SPMIP2: variants seen among roughly 807,000 people sequenced by gnomAD.
SPMIP2 encodes sperm microtubule inner protein 2.
the SPMIP2 span, among the ~76,000 whole-genome samples, chr4:159,067,985 G>A: frequency 1.3e-5 from 2 of 152,192 alleles, no homozygotes; most frequent in African/African-American, 4.8e-5. Flanking sequence ...CAGTTAGAAT[G>A]GCGATCATTA....
the SPMIP2 span, among the ~76,000 whole-genome samples, chr4:158,975,258 T>TC: frequency 2.0e-5 from 1 of 51,090 alleles, no homozygotes; most frequent in South Asian, 1.2e-3. Context: ...GCCTGTTCAC[T>TC]CTGATGATAG....
chr4:159,056,642 G>A, the SPMIP2 span, among the ~76,000 whole-genome samples: 12 of 152,184 alleles, frequency 7.9e-5, no homozygotes, highest in African/African-American at 2.9e-4. Context: ...AGTGCATGAG[G>A]AGTTTGTTTT....
At chr4:158,894,211 CCCAGGTTATAGTGCAG>C in the SPMIP2 span, among the ~76,000 whole-genome samples, 320 of 148,482 alleles carry the variant, frequency 2.2e-3, 2 homozygotes, top group African/African-American at 7.7e-3. Flanking sequence ...CATTTTGTCA[CCCAGGTTATAGTGCAG>C]TAGTATGATG....
At chr4:159,022,447 T>C in the SPMIP2 span, among the ~76,000 whole-genome samples, 33 of 152,220 alleles carry the variant, frequency 2.2e-4, no homozygotes, top group East Asian at 3.9e-3. Context: ...AGCAGTGGAA[T>C]TGGAGCACAT....
chr4:158,914,883 C>T, the SPMIP2 span, among the ~76,000 whole-genome samples: 4 of 152,274 alleles, frequency 2.6e-5, no homozygotes, highest in Middle Eastern at 3.4e-3. Flanking sequence ...GCTTTCTCAG[C>T]TCTTGGAACT....
the SPMIP2 span, among the ~76,000 whole-genome samples, chr4:159,004,422 CT>C: frequency 6.7e-6 from 1 of 150,366 alleles, no homozygotes; most frequent in Non-Finnish European, 1.5e-5. Context: ...TCCTGAGTAG[CT>C]GTGATTACAG....
the SPMIP2 span, among the ~76,000 whole-genome samples, chr4:159,077,719 C>T: frequency 1.3e-5 from 2 of 152,092 alleles, no homozygotes; most frequent in African/African-American, 2.4e-5. Context: ...TAATTCATTT[C>T]GAACTCAGTG....
chr4:158,976,436 CTCT>C, the SPMIP2 span, among the ~76,000 whole-genome samples: 2 of 152,112 alleles, frequency 1.3e-5, no homozygotes, highest in South Asian at 4.2e-4. Context: ...TCATAAATAG[CTCT>C]TATTATTTTG....
the SPMIP2 span, among the ~76,000 whole-genome samples, chr4:158,985,934 A>G: frequency 6.7e-6 from 1 of 149,540 alleles, no homozygotes; most frequent in Non-Finnish European, 1.5e-5. Flanking sequence ...ACTTCAGAAA[A>G]GTCTCAGGAT....
the SPMIP2 span, among the ~76,000 whole-genome samples, chr4:159,065,910 T>A: frequency 6.6e-6 from 1 of 152,160 alleles, no homozygotes; most frequent in Non-Finnish European, 1.5e-5. Context: ...AAATAACTTT[T>A]CCAAGGGTCA....
the SPMIP2 span, among the ~76,000 whole-genome samples, chr4:158,927,128 C>A: frequency 6.6e-6 from 1 of 152,128 alleles, no homozygotes; most frequent in Non-Finnish European, 1.5e-5. Flanking sequence ...TTGTTAGGTA[C>A]ACATTTATTT....
the SPMIP2 span, among the ~76,000 whole-genome samples, chr4:158,981,084 T>A: frequency 2.0e-5 from 3 of 152,126 alleles, no homozygotes; most frequent in Non-Finnish European, 4.4e-5. Context: ...GCCGAATCGA[T>A]AAAGCAGAAG....
the SPMIP2 span, among the ~76,000 whole-genome samples, chr4:158,938,950 G>A: frequency 6.6e-6 from 1 of 152,084 alleles, no homozygotes; most frequent in African/African-American, 2.4e-5. Flanking sequence ...TATAATTCCC[G>A]GTGTTCCCAG....
At chr4:158,969,872 T>C in the SPMIP2 span, among the ~76,000 whole-genome samples, 2 of 152,218 alleles carry the variant, frequency 1.3e-5, no homozygotes, top group South Asian at 4.1e-4. Context: ...TGTGAGACAC[T>C]GAGGAGTCTC....
the SPMIP2 span, among the ~76,000 whole-genome samples, chr4:158,990,094 G>A: frequency 2.0e-5 from 3 of 152,142 alleles, no homozygotes; most frequent in Non-Finnish European, 4.4e-5. Flanking sequence ...TCTTAAAGAA[G>A]ACATTTATGC....
At chr4:159,045,632 A>G in the SPMIP2 span, among the ~76,000 whole-genome samples, 4 of 152,240 alleles carry the variant, frequency 2.6e-5, no homozygotes, top group East Asian at 7.7e-4. Context: ...AAGAAGCTGG[A>G]AGGCTGAAAC....
At chr4:159,067,147 T>A in the SPMIP2 span, among the ~76,000 whole-genome samples, 2 of 151,982 alleles carry the variant, frequency 1.3e-5, no homozygotes, top group Non-Finnish European at 2.9e-5. Context: ...AACGACTGGA[T>A]AGGAACTATA....
chr4:159,037,630 G>A, the SPMIP2 span, among the ~76,000 whole-genome samples: 3 of 151,860 alleles, frequency 2.0e-5, no homozygotes, highest in Middle Eastern at 3.4e-3. Flanking sequence ...AATTAGCTGG[G>A]CACAGTGGTC....
At chr4:159,059,401 G>GTC in the SPMIP2 span, among the ~76,000 whole-genome samples, 1 of 152,152 alleles carries the variant, frequency 6.6e-6, no homozygotes, top group South Asian at 2.1e-4. Flanking sequence ...TTTTGAGACA[G>GTC]TCTCACTCTC....
Sources: allele counts gnomAD v4.1 joint callset (sites outside exome capture counted in the v4.1 genomes callset), GRCh38; gene constraint gnomAD v4.1.1; transcripts MANE v1.5; gene names NCBI Gene and HGNC (gene_info 2026-07-23, HGNC 2026-07-21).